USP42: variants seen among roughly 807,000 people sequenced by gnomAD.
USP42 encodes the protein ubiquitin specific peptidase 42.
USP42 carries 23 observed loss-of-function variants against 113.0 expected under a neutral mutation model. That is an observed-to-expected ratio of 0.20 (90% CI 0.15 to 0.29). The LOEUF (loss-of-function observed/expected upper bound fraction) is 0.29. Ranked by LOEUF, USP42 falls within the 10% of genes least tolerant of loss-of-function variation. The probability of loss-of-function intolerance (pLI) is 1.00; values close to 1 mark genes in which losing one functional copy is unlikely to be tolerated. For synonymous variants in USP42, 933 were observed against 699.0 expected (o/e 1.33, Z -5.28); for missense variants, 2,174 against 1,779.8 (o/e 1.22, Z -3.99).
intron 2 of USP42, among the ~76,000 whole-genome samples, chr7:6,114,652 G>GTATATATATA: frequency 1.7e-5 from 1 of 59,774 alleles, no homozygotes; most frequent in African/African-American, 1.3e-4. Context: ...ATGTATGTGT[G>GTATATATATA]TGTGTATATA....
At position 6,156,860 on chromosome 7, in the gene USP42, T is replaced by G; in HGVS notation, c.3748T>G (p.Phe1250Val). ...KKRHSRKSED[F>V]VKDSELHLPR... ...GAGACATTCAAGAAAATCAGAGGACTTTGTTAAAGATTCAGAACTGCACTT... is the reference window on the plus strand; with the variant it reads ...GAGACATTCAAGAAAATCAGAGGACGTTGTTAAAGATTCAGAACTGCACTT... The change falls in exon 16 of 18, where the codon TTT (phenylalanine) becomes GTT (valine). Residue 1250 changes from phenylalanine to valine, a missense_variant. By Grantham distance (50) the Phe-to-Val change is conservative. Transcript: ENST00000306177. 1 of 1,610,962 alleles carries G rather than the reference T, an allele frequency of 6.2e-7. No individual in the cohort carries two copies. Among genetic ancestry groups the G allele is most frequent in the Non-Finnish European group, 8.5e-7 (1 of 1,179,184 alleles).
the USP42 span, among the ~76,000 whole-genome samples, chr7:6,096,848 T>C: frequency 6.6e-6 from 1 of 151,218 alleles, no homozygotes; most frequent in Non-Finnish European, 1.5e-5. Flanking sequence ...ACTGTACCAA[T>C]CATGCCCACC....
chr7:6,140,931 A>G lies in USP42; in HGVS notation c.742A>G (p.Lys248Glu). The G allele has an allele frequency of 6.4e-7, 1 of 1,562,832 alleles. No individual in the cohort carries two copies. The highest frequency in any genetic ancestry group is 8.7e-7 in the Non-Finnish European group (1 of 1,147,936). Reference protein sequence around the residue: ...LRSRVKCLNCKGVSDTFDPYL... With the variant: ...LRSRVKCLNCEGVSDTFDPYL... ...TATTTCAGTCAAATGTTTAAATTGC[A>G]AGGGCGTTTCAGATACTTTTGATCC... Residue 248 changes from lysine to glutamate, a missense_variant, in exon 7 of 18, where the codon AAG becomes GAG. Physicochemically the swap from Lys to Glu is moderately conservative, Grantham distance 56. Coordinates refer to ENST00000306177, the MANE Select transcript of USP42 (RefSeq NM_032172.3).
chr7:6,112,473 G>A (rs1198550783), intron 2 of USP42, among the ~76,000 whole-genome samples: 3 of 151,890 alleles, frequency 2.0e-5, no homozygotes, highest in African/African-American at 7.3e-5. Context: ...AAAAAAAAAA[G>A]AGAGCATGTA....
chr7:6,150,076 G>A lies in USP42; in HGVS notation c.1880G>A (p.Gly627Glu). Residue 627 changes from glycine to glutamate, a missense_variant, in exon 13 of 18, where the codon GGG (glycine) becomes GAG (glutamate). By Grantham distance (98) the Gly-to-Glu change is moderately conservative (BLOSUM62 -2). Transcript: ENST00000306177. ...TCAAAGGGGCTGGGCAAGGAGAATG[G>A]GATTGGTACGATTGTGAGCTCCCAC... ...EESKGLGKENGIGTIVSSHSP... is the reference protein window; with the variant it reads ...EESKGLGKENEIGTIVSSHSP... The A allele has an allele frequency of 6.2e-7, 1 of 1,609,638 alleles. No homozygotes were observed. Among genetic ancestry groups the A allele is most frequent in the Non-Finnish European group, 8.5e-7 (1 of 1,177,906 alleles).
At chr7:6,095,707 G>C in the USP42 span, among the ~76,000 whole-genome samples, 1 of 151,068 alleles carries the variant, frequency 6.6e-6, no homozygotes. Flanking sequence ...TTTGGGGCAG[G>C]ACTTGGAAAA....
intron 3 of USP42, among the ~76,000 whole-genome samples, chr7:6,132,259 C>G (rs956442010): frequency 8.5e-5 from 13 of 152,204 alleles, no homozygotes; most frequent in Non-Finnish European, 1.8e-4. Context: ...AGATATTATT[C>G]CACTGTCTTC....
intron 4 of USP42, 146 bp from the exon 5 acceptor site, chr7:6,138,946 A>G: frequency 1.8e-6 from 1 of 560,850 alleles, no homozygotes; most frequent in African/African-American, 1.9e-5. Context: ...AGCTTATATT[A>G]GTGGCTTATG....
At position 6,145,440 on chromosome 7, in the gene USP42, C is replaced by CT. The variant is rs978315232; in HGVS notation, c.991-75dup. ...TGTGGGTCTCCCCTCCTAGGAAGCT[C>CT]TAAGTACCCTCTACCTGAATATGTG... On this transcript the variant is annotated intron_variant, in intron 9 of 17. Coordinates refer to ENST00000306177, the MANE Select transcript of USP42 (RefSeq NM_032172.3). 3 of 1,584,770 alleles carry CT rather than the reference C, an allele frequency of 1.9e-6. No homozygotes were observed. The African/African-American group carries it at 4.0e-5, about 21-fold the overall frequency.
chr7:6,106,595 C>T (rs1485151909), intron 1 of USP42, among the ~76,000 whole-genome samples: 10 of 152,148 alleles, frequency 6.6e-5, no homozygotes, highest in Admixed American at 2.0e-4. Flanking sequence ...GGCAAGATCT[C>T]CCTCTGCTGC....
At chr7:6,100,004 C>CTATTATTATTATTATTATTATTAT (rs1554332997), upstream of USP42, among the ~76,000 whole-genome samples, 10 of 144,290 alleles carry the variant, frequency 6.9e-5, no homozygotes, top group African/African-American at 2.7e-4. Flanking sequence ...TTTCACAAGT[C>CTATTATTATTATTATTATTATTAT]TATTATTATT....
upstream of USP42, among the ~76,000 whole-genome samples, chr7:6,101,250 T>A (rs896662764): frequency 2.0e-5 from 3 of 150,986 alleles, no homozygotes; most frequent in African/African-American, 7.4e-5. Flanking sequence ...AAGGAGGACC[T>A]GGGTGGGGCA....
Position 6,144,193 on chromosome 7 carries a change from T to G in USP42, c.987T>G (p.Ala329=). 6.3e-7 allele frequency: 1 copy of G among 1,579,484 alleles called. No individual in the cohort carries two copies. The highest frequency in any genetic ancestry group is 8.6e-7 in the Non-Finnish European group (1 of 1,161,800). ...RFANFTGGKI[A]KDVKYPEYLD... is the part of the protein sequence containing the mutation. ...CAAATTTTACCGGTGGAAAAATTGC[T>G]AAGGTATGTGGATGATGTCATTAAT... The change falls in exon 9 of 18, where the codon GCT becomes GCG. Residue 329 remains alanine, a synonymous_variant. Transcript: ENST00000306177.
chr7:6,143,422 C>G (rs1199657078), intron 8 of USP42, among the ~76,000 whole-genome samples: 1 of 152,128 alleles, frequency 6.6e-6, no homozygotes, highest in Non-Finnish European at 1.5e-5. Flanking sequence ...CTCCTTCTCT[C>G]TTAGGGTGGG....
At chr7:6,082,083 A>C in the USP42 span, among the ~76,000 whole-genome samples, 1 of 151,802 alleles carries the variant, frequency 6.6e-6, no homozygotes, top group African/African-American at 2.4e-5. Context: ...CTATATATAC[A>C]TATACGTGTA....
At chr7:6,141,112 A>G (rs1240686522) in intron 7 of USP42, 128 bp downstream of exon 7, 1 of 471,514 alleles carries the variant, frequency 2.1e-6, no homozygotes, top group South Asian at 4.2e-5. Flanking sequence ...CTAAGATTTC[A>G]TTTGGAGGAA....
chr7:6,106,865 C>CTGTAGGTTGT (rs1463432745), intron 1 of USP42, among the ~76,000 whole-genome samples: 1 of 152,200 alleles, frequency 6.6e-6, no homozygotes, highest in East Asian at 1.9e-4. Context: ...CATGCCCCAC[C>CTGTAGGTTGT]TGTAGGTTGT....
chr7:6,132,935 T>G (rs1014140720), intron 3 of USP42, among the ~76,000 whole-genome samples: 1 of 152,204 alleles, frequency 6.6e-6, no homozygotes, highest in Non-Finnish European at 1.5e-5. Context: ...TCTCCCAAAG[T>G]GCTGGGATTA....
chr7:6,140,694 A>T (rs1781383623), intron 6 of USP42, among the ~76,000 whole-genome samples: 1 of 152,170 alleles, frequency 6.6e-6, no homozygotes, highest in Non-Finnish European at 1.5e-5. Context: ...AAGAGGGTAT[A>T]CCAGTTTTGA....
Sources: gnomAD v4.1 joint callset for allele counts (sites outside exome capture counted in the v4.1 genomes callset) on GRCh38, gnomAD v4.1.1 for gene constraint, MANE v1.5 for transcripts, NCBI Gene and HGNC (gene_info 2026-07-23, HGNC 2026-07-21) for gene names.